DUSP16: variants seen among roughly 807,000 people sequenced by gnomAD.
DUSP16 encodes dual specificity phosphatase 16.
DUSP16 carries 21 observed loss-of-function variants against 58.3 expected under a neutral mutation model. The observed-to-expected ratio is 0.36, with a 90% confidence interval of 0.26 to 0.52. DUSP16 has a LOEUF of 0.52. Ranked by LOEUF, DUSP16 falls within the 20% of genes least tolerant of loss-of-function variation. DUSP16 has a pLI of 0.94. For missense variants in DUSP16, 726 were observed against 819.0 expected (o/e 0.89, Z 1.39); for synonymous variants, 320 against 323.8 (o/e 0.99, Z 0.12).
intron 3 of DUSP16, among the ~76,000 whole-genome samples, chr12:12,501,332 T>C (rs1453085093): frequency 6.6e-6 from 1 of 152,200 alleles, no homozygotes; most frequent in East Asian, 1.9e-4. Context: ...GACAGACTAA[T>C]TGCTTAGGGT....
chr12:12,550,881 A>C (rs7295113), intron 1 of DUSP16, among the ~76,000 whole-genome samples: 14,700 of 151,998 alleles, frequency 0.097, 1,415 homozygotes, highest in East Asian at 0.25. Context: ...CCCAAAACTT[A>C]AAGTATAATT....
chr12:12,486,481 AGTGTGTGTGTGTGTGTGTGTGT>A (rs56941943), intron 5 of DUSP16, among the ~76,000 whole-genome samples: 1 of 147,262 alleles, frequency 6.8e-6, no homozygotes, highest in Non-Finnish European at 1.5e-5. Flanking sequence ...ACCAAATGAG[AGTGTGTGTGTGTGTGTGTGTGT>A]GTGTGTGTGT....
intron 1 of DUSP16, among the ~76,000 whole-genome samples, chr12:12,547,507 C>T (rs1341680007): frequency 1.6e-5 from 2 of 127,598 alleles, no homozygotes; most frequent in Non-Finnish European, 1.6e-5. Flanking sequence ...TCACCTTCTA[C>T]TTCCTTATGA....
intron 3 of DUSP16, among the ~76,000 whole-genome samples, chr12:12,502,554 T>TG (rs1351141500): frequency 1.3e-5 from 2 of 151,194 alleles, no homozygotes; most frequent in African/African-American, 4.9e-5. Context: ...GGTTTCATTT[T>TG]TTTTTTTTTT....
intron 1 of DUSP16, among the ~76,000 whole-genome samples, chr12:12,539,631 C>A (rs576843259): frequency 6.6e-6 from 1 of 152,148 alleles, no homozygotes; most frequent in South Asian, 2.1e-4. Flanking sequence ...CTCTCTAATC[C>A]AATCCTGTAA....
At chr12:12,531,088 T>C (rs988244170) in intron 1 of DUSP16, among the ~76,000 whole-genome samples, 5 of 152,212 alleles carry the variant, frequency 3.3e-5, no homozygotes, top group African/African-American at 1.2e-4. Context: ...ATGAAAGATA[T>C]AGTATACTTT....
chr12:12,517,799 A>G (rs1479978255), intron 3 of DUSP16, among the ~76,000 whole-genome samples: 1 of 152,222 alleles, frequency 6.6e-6, no homozygotes, highest in Non-Finnish European at 1.5e-5. Context: ...AATACATTTA[A>G]TGTGGCTCCT....
At chr12:12,484,357 A>C (rs1339148511) in intron 5 of DUSP16, among the ~76,000 whole-genome samples, 1 of 152,224 alleles carries the variant, frequency 6.6e-6, no homozygotes. Context: ...CAAAGTAGTT[A>C]AAGTTCTTTT....
rs530286333 is a variant in DUSP16 at position 12,538,099 on chromosome 12, T to C, written c.-365-16636A>G. Among the ~76,000 whole-genome samples the C allele has an allele frequency of 3.0e-3, 463 of 152,314 alleles. 1 individual carries two copies. The highest frequency in any genetic ancestry group is 0.011 in the African/African-American group (444 of 41,562). ...CCTGTGAATTTGCATATTTAACAAA[T>C]GTCCCAGGAGGTTCAGAGAATCAGG... On this transcript the variant is annotated intron_variant, in intron 1 of 6. Coordinates refer to ENST00000298573, the MANE Select transcript of DUSP16 (RefSeq NM_030640.3).
chr12:12,521,303 T>G lies in DUSP16; in HGVS notation c.-205A>C. ...TTTCTCTTTCCCGTTGATGTGCTCT[T>G]GCAAAGGACTCCGTCCACAAAGCAG... On this transcript the variant is annotated 5_prime_UTR_variant, in exon 2 of 7. Coordinates refer to ENST00000298573, the MANE Select transcript of DUSP16 (RefSeq NM_030640.3). 3 of 1,423,534 alleles carry G rather than the reference T, an allele frequency of 2.1e-6. No homozygotes were observed. The highest frequency in any genetic ancestry group is 2.7e-6 in the Non-Finnish European group (3 of 1,091,798). 88.2% of individuals were successfully genotyped at this position (1,423,534 alleles called of 1,614,324 possible). A position where few individuals can be genotyped will look rare whatever the true frequency, so the allele number is the denominator to read the frequency against.
intron 3 of DUSP16, among the ~76,000 whole-genome samples, chr12:12,512,060 C>A (rs1944086282): frequency 6.6e-6 from 1 of 152,130 alleles, no homozygotes; most frequent in Non-Finnish European, 1.5e-5. Flanking sequence ...CCACTGGTAG[C>A]TGGGAAGAGA....
chr12:12,484,461 C>T (rs1381283199), intron 5 of DUSP16, among the ~76,000 whole-genome samples: 1 of 152,100 alleles, frequency 6.6e-6, no homozygotes, highest in Non-Finnish European at 1.5e-5. Context: ...ATTCTCTTCT[C>T]TTTTCTACTA....
chr12:12,500,511 G>C lies in DUSP16; in HGVS notation c.531+8C>G, dbSNP rs1287706632. ...CCCAGCAATGAAGGATATTTTCAAAGCACCCACCTTGTTGAGGACATCTCG... is the reference window on the plus strand; with the variant it reads ...CCCAGCAATGAAGGATATTTTCAAACCACCCACCTTGTTGAGGACATCTCG... On this transcript the variant is annotated splice_region_variant and intron_variant, in intron 4 of 6. Coordinates refer to ENST00000298573, the MANE Select transcript of DUSP16 (RefSeq NM_030640.3). The C allele has an allele frequency of 5.6e-6, 9 of 1,597,552 alleles. No homozygotes were observed. In the African/African-American group the frequency reaches 1.2e-4, roughly 22 times the overall value.
intron 1 of DUSP16, among the ~76,000 whole-genome samples, chr12:12,559,832 C>A (rs1261141559): frequency 1.3e-5 from 2 of 152,156 alleles, no homozygotes; most frequent in East Asian, 3.9e-4. Flanking sequence ...TACCTAAACT[C>A]TGCAACCTTC....
chr12:12,507,046 G>C (rs947417440), intron 3 of DUSP16, among the ~76,000 whole-genome samples: 10 of 151,974 alleles, frequency 6.6e-5, no homozygotes, highest in African/African-American at 2.4e-4. Flanking sequence ...TTCCATTTTG[G>C]GGGGGAAAAA....
chr12:12,530,034 G>A (rs1289883013), intron 1 of DUSP16, among the ~76,000 whole-genome samples: 1 of 152,138 alleles, frequency 6.6e-6, no homozygotes, highest in Non-Finnish European at 1.5e-5. Context: ...ACTCAGTAAT[G>A]GGATTGCTGG....
chr12:12,516,405 T>C (rs919942181), intron 3 of DUSP16, among the ~76,000 whole-genome samples: 5 of 152,226 alleles, frequency 3.3e-5, no homozygotes, highest in African/African-American at 1.2e-4. Context: ...GAGCAATCAA[T>C]TTACATTTAC....
At chr12:12,546,476 G>C (rs1944642251) in intron 1 of DUSP16, among the ~76,000 whole-genome samples, 1 of 152,210 alleles carries the variant, frequency 6.6e-6, no homozygotes, top group Non-Finnish European at 1.5e-5. Context: ...CCACAATGTA[G>C]TTCTTTGAAG....
chr12:12,494,848 T>G (rs1343042596), intron 4 of DUSP16, among the ~76,000 whole-genome samples: 4 of 152,234 alleles, frequency 2.6e-5, no homozygotes, highest in African/African-American at 9.6e-5. Context: ...AATGCCATAC[T>G]GAGAAGACTG....
Sources: gnomAD v4.1 joint callset for allele counts (sites outside exome capture counted in the v4.1 genomes callset) on GRCh38, gnomAD v4.1.1 for gene constraint, MANE v1.5 for transcripts, NCBI Gene and HGNC (gene_info 2026-07-23, HGNC 2026-07-21) for gene names.